DOCK10: variants seen among roughly 807,000 people sequenced by gnomAD.
DOCK10 encodes dedicator of cytokinesis 10, also known as dedicator of cytokinesis protein 10.
A neutral mutation model predicts 280.1 loss-of-function variants in DOCK10; 145 were observed. That is an observed-to-expected ratio of 0.52 (90% CI 0.45 to 0.59). DOCK10 has a LOEUF of 0.59. DOCK10 is among the 20% of genes least tolerant of loss of function. The pLI, the probability that DOCK10 is intolerant of heterozygous loss-of-function variation, is 0.00. For synonymous variants in DOCK10, 915 were observed against 942.2 expected, an observed-to-expected ratio of 0.97 and a Z score of 0.53; for missense variants, 2,368 against 2,651.7, an observed-to-expected ratio of 0.89 and a Z score of 2.35.
chr2:225,014,150 T>C (rs984421667), intron 1 of DOCK10, among the ~76,000 whole-genome samples: 2 of 149,454 alleles, frequency 1.3e-5, no homozygotes, highest in East Asian at 4.0e-4. Flanking sequence ...CAAAATGCCT[T>C]TAGCTGAATC....
At chr2:224,941,704 C>T (rs755873824) in intron 1 of DOCK10, among the ~76,000 whole-genome samples, 4 of 151,904 alleles carry the variant, frequency 2.6e-5, no homozygotes, top group East Asian at 1.9e-4. Context: ...ATTAGCCAGG[C>T]GTGGTGGCAT....
chr2:224,944,938 C>T (rs1370356267), intron 1 of DOCK10, among the ~76,000 whole-genome samples: 1 of 151,978 alleles, frequency 6.6e-6, no homozygotes, highest in Non-Finnish European at 1.5e-5. Flanking sequence ...GAAAATACCG[C>T]GTCCTTACTG....
At chr2:224,921,107 A>ATATATATATATATATATATATAT (rs1559767599) in intron 2 of DOCK10, among the ~76,000 whole-genome samples, 5 of 68,426 alleles carry the variant, frequency 7.3e-5, no homozygotes, top group African/African-American at 3.1e-4. Flanking sequence ...AAAAAAAAAA[A>ATATATATATATATATATATATAT]AAAAAATATA....
chr2:225,041,852 C>T (rs62188042), intron 1 of DOCK10, among the ~76,000 whole-genome samples: 1 of 151,930 alleles, frequency 6.6e-6, no homozygotes, highest in Non-Finnish European at 1.5e-5. Context: ...GCGCAGACCT[C>T]CGGACTCAGG....
chr2:225,037,471 A>T (rs1690292334), intron 1 of DOCK10, among the ~76,000 whole-genome samples: 1 of 152,080 alleles, frequency 6.6e-6, no homozygotes, highest in South Asian at 2.1e-4. Flanking sequence ...ACTCATATCC[A>T]CCGATTTGAA....
chr2:224,805,552 A>G lies in DOCK10; in HGVS notation c.3815-23T>C. The G allele has an allele frequency of 6.2e-7, 1 of 1,611,130 alleles. No homozygotes were observed. Among genetic ancestry groups the G allele is most frequent in the South Asian group, 1.1e-5 (1 of 90,782 alleles). On this transcript the variant is annotated intron_variant, in intron 34 of 55. Coordinates refer to ENST00000258390, the MANE Select transcript of DOCK10 (RefSeq NM_014689.3). This position sits in a 1 kb window ranked among gnomAD's most constrained non-coding sequence, Gnocchi z 4.3. ...ATGCTGTAAACACAAGCCACAGCAC[A>G]CGTATGGGAATGAGATGTATGGGCA... is the stretch of plus-strand genomic sequence containing the variant.
At chr2:225,017,164 A>C (rs182159131) in intron 1 of DOCK10, among the ~76,000 whole-genome samples, 1 of 151,768 alleles carries the variant, frequency 6.6e-6, no homozygotes, top group Admixed American at 6.6e-5. Context: ...AATTTGATCT[A>C]TTATTCAGTA....
intron 52 of DOCK10, 71 bp downstream of exon 52, chr2:224,774,834 C>T (rs999051473): frequency 1.4e-6 from 2 of 1,392,296 alleles, no homozygotes; most frequent in Non-Finnish European, 9.9e-7. Flanking sequence ...TTGATTCCTA[C>T]TGATCCAGCC....
At chr2:224,778,706 A>T (rs1048928497) in intron 50 of DOCK10, among the ~76,000 whole-genome samples, 1 of 152,210 alleles carries the variant, frequency 6.6e-6, no homozygotes, top group African/African-American at 2.4e-5. Context: ...AGTCTTTGAA[A>T]CTAACATAAG....
intron 1 of DOCK10, among the ~76,000 whole-genome samples, chr2:225,000,648 C>A (rs2126284031): frequency 6.6e-6 from 1 of 152,224 alleles, no homozygotes; most frequent in South Asian, 2.1e-4. Context: ...TGTGTCTTTC[C>A]CTCAGAGAAA....
intron 3 of DOCK10, among the ~76,000 whole-genome samples, chr2:224,915,737 A>T (rs984765919): frequency 3.3e-5 from 5 of 152,176 alleles, no homozygotes; most frequent in Non-Finnish European, 7.3e-5. Context: ...TTGTCACCAT[A>T]TTTTCTATAA....
chr2:224,845,370 T>C lies in DOCK10; in HGVS notation c.2360-46A>G, dbSNP rs180685139. Reference sequence around the variant, plus strand: ...CAAAAATTCTGAGTACAAACCTCCATGGTAAGAAGTCACAATAATGCTATT... The same window carrying C: ...CAAAAATTCTGAGTACAAACCTCCACGGTAAGAAGTCACAATAATGCTATT... On this transcript the variant is annotated intron_variant, in intron 20 of 55. Coordinates refer to ENST00000258390, the MANE Select transcript of DOCK10 (RefSeq NM_014689.3). The C allele has an allele frequency of 2.9e-5, 45 of 1,564,808 alleles. No individual in the cohort carries two copies. The East Asian group carries it at 8.5e-4, about 29-fold the overall frequency.
intron 1 of DOCK10, among the ~76,000 whole-genome samples, chr2:224,972,283 G>T (rs1046332030): frequency 3.9e-5 from 6 of 152,174 alleles, no homozygotes; most frequent in Non-Finnish European, 8.8e-5. Flanking sequence ...GGGTTACTCA[G>T]TTCTCATAAA....
intron 4 of DOCK10, among the ~76,000 whole-genome samples, chr2:224,890,246 A>G (rs932690053): frequency 1.3e-5 from 2 of 152,220 alleles, no homozygotes; most frequent in East Asian, 3.9e-4. Flanking sequence ...TTTGTTCTCA[A>G]TAACTGTGGA....
intron 42 of DOCK10, 108 bp from the exon 43 acceptor site, chr2:224,797,254 TAACTTGGTCTA>T: frequency 1.2e-6 from 1 of 829,676 alleles, no homozygotes; most frequent in Non-Finnish European, 1.7e-6. Flanking sequence ...TTTTTTTTTT[TAACTTGGTCTA>T]TTTTTTTTTT....
chr2:224,907,699 A>G (rs910862685), intron 3 of DOCK10, among the ~76,000 whole-genome samples: 4 of 152,096 alleles, frequency 2.6e-5, no homozygotes, highest in African/African-American at 9.7e-5. Context: ...AAAAAAAAAA[A>G]AAAAAGAATA....
intron 1 of DOCK10, among the ~76,000 whole-genome samples, chr2:225,000,919 T>C (rs960510718): frequency 2.6e-5 from 4 of 152,148 alleles, no homozygotes; most frequent in Non-Finnish European, 5.9e-5. Context: ...GAGGTTGCAG[T>C]GAGCCGAGAT....
chr2:224,765,114 T>A lies in DOCK10; in HGVS notation c.*607A>T, dbSNP rs1195985928. 1 of 152,672 alleles carries A rather than the reference T, an allele frequency of 6.5e-6. No individual in the cohort carries two copies. The highest frequency in any genetic ancestry group is 2.4e-5 in the African/African-American group (1 of 41,456). 9.5% of individuals were successfully genotyped at this position (152,672 alleles called of 1,614,324 possible). A position where few individuals can be genotyped will look rare whatever the true frequency, so the allele number is the denominator to read the frequency against. On this transcript the variant is annotated 3_prime_UTR_variant, in exon 56 of 56. Transcript: ENST00000258390. ...ATGCAAAGTAACTGTGTTTTTTATT[T>A]CTATGAACAATAAAATACTTTCATA...
chr2:225,017,094 CTG>C (rs1689630718), intron 1 of DOCK10, among the ~76,000 whole-genome samples: 1 of 111,674 alleles, frequency 9.0e-6, no homozygotes. Flanking sequence ...CAAGATGAAA[CTG>C]AATAAAATTA....
Sources: gnomAD v4.1 joint callset for allele counts (sites outside exome capture counted in the v4.1 genomes callset) on GRCh38, gnomAD v4.1.1 for gene constraint, Gnocchi (gnomAD v3.1) non-coding constraint, MANE v1.5 for transcripts, NCBI Gene and HGNC (gene_info 2026-07-23, HGNC 2026-07-21) for gene names.